Variants in SLC14A2 observed in about 807,000 individuals in gnomAD.
The protein encoded by SLC14A2 is urea transporter 2.
A neutral mutation model predicts 104.6 loss-of-function variants in SLC14A2; 91 were observed. That is an observed-to-expected ratio of 0.87 (90% confidence interval 0.73 to 1.04). SLC14A2 has a LOEUF of 1.04. SLC14A2 is among the 50% of genes least tolerant of loss of function. The probability of loss-of-function intolerance (pLI) is 0.00; values close to 1 mark genes in which losing one functional copy is unlikely to be tolerated. For missense variants in SLC14A2, 1,189 were observed against 1,156.0 expected (o/e 1.03, Z -0.41); for synonymous variants, 476 against 466.4 (o/e 1.02, Z -0.27).
intron 1 of SLC14A2, among the ~76,000 whole-genome samples, chr18:45,304,517 T>C (rs2084998542): frequency 6.6e-6 from 1 of 152,180 alleles, no homozygotes; most frequent in African/African-American, 2.4e-5. Flanking sequence ...ATAAAGAAAG[T>C]TCTAAGGCCC....
chr18:45,255,929 CG>C (rs1171811933), intron 1 of SLC14A2, among the ~76,000 whole-genome samples: 18 of 152,198 alleles, frequency 1.2e-4, no homozygotes, highest in Admixed American at 4.6e-4. Flanking sequence ...TAGAAAGGCC[CG>C]GATGTATGCT....
At chr18:45,201,432 A>G in the SLC14A2 span, among the ~76,000 whole-genome samples, 1 of 152,076 alleles carries the variant, frequency 6.6e-6, no homozygotes, top group Non-Finnish European at 1.5e-5. Context: ...GTATGGACTC[A>G]TGGATATTTA....
intron 1 of SLC14A2, among the ~76,000 whole-genome samples, chr18:45,413,714 A>G (rs1410142879): frequency 6.6e-6 from 1 of 152,208 alleles, no homozygotes; most frequent in African/African-American, 2.4e-5. Flanking sequence ...GTGCTGAGCC[A>G]TGGTAGTTAA....
chr18:45,446,645 T>C (rs143205923), intron 1 of SLC14A2, among the ~76,000 whole-genome samples: 21 of 152,320 alleles, frequency 1.4e-4, no homozygotes, highest in Non-Finnish European at 2.1e-4. Flanking sequence ...ATTATTGAAA[T>C]AGCTTCAGCT....
At position 45,668,305 on chromosome 18, in the gene SLC14A2, C is replaced by T. The variant is rs745328844; in HGVS notation, c.1908-44C>T. On this transcript the variant is annotated intron_variant, in intron 14 of 19. Coordinates refer to ENST00000255226, the MANE Select transcript of SLC14A2 (RefSeq NM_007163.4). ...GACTCAATAGGAAAATGTAAAGGGC[C>T]CTGGGGAAGCCCCTGCTCCACCTGA... The T allele has an allele frequency of 2.7e-5, 43 of 1,609,686 alleles. No homozygotes were observed. In the East Asian group the frequency reaches 9.4e-4, roughly 35 times the overall value.
At chr18:45,632,986 C>A (rs2045369700) in intron 5 of SLC14A2, among the ~76,000 whole-genome samples, 1 of 152,214 alleles carries the variant, frequency 6.6e-6, no homozygotes, top group Non-Finnish European at 1.5e-5. Flanking sequence ...CAGGAGGATT[C>A]TTTAAACCAA....
chr18:45,233,060 T>C (rs75208102), intron 1 of SLC14A2, among the ~76,000 whole-genome samples: 4 of 152,320 alleles, frequency 2.6e-5, no homozygotes, highest in Non-Finnish European at 5.9e-5. Context: ...GCAGTTGTCT[T>C]TGAACCTGAG....
rs552458902 is a variant in SLC14A2, at chr18:45,593,594, G to A, written c.-34-31037G>A. On this transcript the variant is annotated intron_variant, in intron 2 of 20. Coordinates refer to the SLC14A2 transcript ENST00000586448. ...AAGCTCTGCCTCCCGGGTTCACGCC[G>A]TTCTCCTGCCTCAGCCTCCCAAGTT... 4.9e-4 allele frequency among the ~76,000 whole-genome samples: 69 copies of A among 140,642 alleles called. 1 individual carries two copies. The highest frequency in any genetic ancestry group is 3.1e-3 in the Admixed American group (40 of 13,002). 92.3% of individuals were successfully genotyped at this position (140,642 alleles called of 152,430 possible). A position where few individuals can be genotyped will look rare whatever the true frequency, so the allele number is the denominator to read the frequency against.
intron 1 of SLC14A2, among the ~76,000 whole-genome samples, chr18:45,285,151 G>T (rs537031793): frequency 3.3e-5 from 5 of 152,132 alleles, no homozygotes; most frequent in Non-Finnish European, 5.9e-5. Flanking sequence ...AATGTGGAGG[G>T]TGATACATTC....
At chr18:45,344,769 A>T (rs1157082899) in intron 1 of SLC14A2, among the ~76,000 whole-genome samples, 1 of 152,236 alleles carries the variant, frequency 6.6e-6, no homozygotes, top group Non-Finnish European at 1.5e-5. Flanking sequence ...CAGTGGCATT[A>T]CTGCATCCCA....
At chr18:45,621,466 G>C (rs1479342390) in intron 1 of SLC14A2, among the ~76,000 whole-genome samples, 1 of 152,216 alleles carries the variant, frequency 6.6e-6, no homozygotes, top group Non-Finnish European at 1.5e-5. Context: ...ATGGCTGGTG[G>C]GTGGCCCCAC....
At chr18:45,649,773 CTTCA>C (rs1451026426) in intron 10 of SLC14A2, among the ~76,000 whole-genome samples, 4 of 152,220 alleles carry the variant, frequency 2.6e-5, no homozygotes, top group Non-Finnish European at 5.9e-5. Flanking sequence ...GATATTGTTC[CTTCA>C]TTTTCTGGCT....
chr18:45,358,260 A>C (rs2085575415), intron 1 of SLC14A2, among the ~76,000 whole-genome samples: 1 of 152,152 alleles, frequency 6.6e-6, no homozygotes. Flanking sequence ...CACACTCTCT[A>C]ATGTGCTTAG....
intron 1 of SLC14A2, among the ~76,000 whole-genome samples, chr18:45,256,137 G>A (rs2084475913): frequency 6.6e-6 from 1 of 152,168 alleles, no homozygotes; most frequent in South Asian, 2.1e-4. Context: ...TCCTGGTGAA[G>A]AGACTGGTGG....
chr18:45,309,522 G>T (rs936954338), intron 1 of SLC14A2, among the ~76,000 whole-genome samples: 2 of 151,690 alleles, frequency 1.3e-5, no homozygotes, highest in Admixed American at 6.6e-5. Flanking sequence ...TGACTCAAAG[G>T]TGGATGAAAC....
At chr18:45,651,442 C>G (rs560230899) in intron 10 of SLC14A2, among the ~76,000 whole-genome samples, 2 of 152,150 alleles carry the variant, frequency 1.3e-5, no homozygotes, top group African/African-American at 4.8e-5. Flanking sequence ...TGGGAGAAGT[C>G]AACTTGTTCA....
At chr18:45,607,791 G>A (rs1484730946) in intron 2 of SLC14A2, among the ~76,000 whole-genome samples, 1 of 152,176 alleles carries the variant, frequency 6.6e-6, no homozygotes, top group Non-Finnish European at 1.5e-5. Context: ...TCACCTGAAG[G>A]CTTGACTGGG....
intron 1 of SLC14A2, among the ~76,000 whole-genome samples, chr18:45,305,903 C>A (rs916440217): frequency 6.6e-5 from 10 of 152,150 alleles, no homozygotes; most frequent in Non-Finnish European, 1.2e-4. Flanking sequence ...ATTTTTAATA[C>A]TGTGTTTCTA....
chr18:45,624,056 G>A (rs144763407), intron 1 of SLC14A2, among the ~76,000 whole-genome samples: 366 of 152,234 alleles, frequency 2.4e-3, no homozygotes, highest in Non-Finnish European at 4.6e-3. Flanking sequence ...CATGTGGAAG[G>A]GAAGCTCCTT....
Sources: gnomAD v4.1 joint callset for allele counts (sites outside exome capture counted in the v4.1 genomes callset) on GRCh38, gnomAD v4.1.1 for gene constraint, MANE v1.5 for transcripts, NCBI Gene and HGNC (gene_info 2026-07-23, HGNC 2026-07-21) for gene names.